Variants in ADAM18 observed in about 807,000 individuals in gnomAD.
The protein encoded by ADAM18 is ADAM metallopeptidase domain 18, also known as disintegrin and metalloproteinase domain-containing protein 18.
In ADAM18, 117 loss-of-function variants were observed where a neutral mutation model predicts 94.4. The ratio of observed to expected loss-of-function variants is 1.24; its 90% CI spans 1.07 to 1.45. ADAM18 has a LOEUF of 1.45. Ranked by LOEUF, ADAM18 falls within the 40% of genes most tolerant of loss-of-function variation. ADAM18 has a pLI of 0.00. For synonymous variants in ADAM18, 327 were observed against 291.6 expected, an observed-to-expected ratio of 1.12 and a Z score of -1.24; for missense variants, 936 against 880.0, an observed-to-expected ratio of 1.06 and a Z score of -0.81.
rs376183860 is a variant in ADAM18 at position 39,638,530 on chromosome 8, A to T, written c.893A>T (p.Asp298Val). 9.5e-6 allele frequency: 15 copies of T among 1,573,310 alleles called. No individual in the cohort carries two copies. Among genetic ancestry groups the T allele is most frequent in the Admixed American group, 1.8e-5 (1 of 56,866 alleles). ...GGCACTGTATGCAATAAAAGCTATG[A>T]TGCAGGTATTGCTATGGTATGTAAT... ...FPGTVCNKSY[D>V]AGIAMYPDAI... is the part of the protein sequence containing the mutation. The change falls in exon 10 of 20, where the codon GAT (aspartate) becomes GTT (valine). Residue 298 changes from aspartate to valine, a missense_variant. By Grantham distance (152) the Asp-to-Val change is radical. Transcript: ENST00000265707.
chr8:39,610,466 C>A, intron 5 of ADAM18, 63 bp from the exon 6 acceptor site: 1 of 1,464,600 alleles, frequency 6.8e-7, no homozygotes, highest in South Asian at 1.5e-5. Context: ...TTCAGATTAT[C>A]ATTTTGAAGG....
chr8:39,631,708 A>G (rs1010684227), intron 7 of ADAM18, among the ~76,000 whole-genome samples: 1 of 152,030 alleles, frequency 6.6e-6, no homozygotes, highest in Non-Finnish European at 1.5e-5. Context: ...TTCCAAAAAT[A>G]CTGTAATTTT....
At chr8:39,635,427 A>G (rs758818195) in intron 7 of ADAM18, among the ~76,000 whole-genome samples, 14 of 152,128 alleles carry the variant, frequency 9.2e-5, no homozygotes, top group Non-Finnish European at 1.8e-4. Context: ...GCTGCATTTT[A>G]TTATTTTAAA....
chr8:39,620,784 G>A (rs993056371), intron 6 of ADAM18, among the ~76,000 whole-genome samples: 1 of 151,814 alleles, frequency 6.6e-6, no homozygotes, highest in Admixed American at 6.6e-5. Flanking sequence ...AACACTGGAT[G>A]TAGTTACTTA....
chr8:39,618,108 A>G (rs1819498899), intron 6 of ADAM18, among the ~76,000 whole-genome samples: 1 of 152,216 alleles, frequency 6.6e-6, no homozygotes, highest in Non-Finnish European at 1.5e-5. Context: ...AAAAGTATAT[A>G]TTTAATACAA....
chr8:39,654,201 G>A (rs1820622356), intron 12 of ADAM18, among the ~76,000 whole-genome samples: 1 of 132,746 alleles, frequency 7.5e-6, no homozygotes, highest in African/African-American at 3.2e-5. Context: ...TGAGTCACCA[G>A]GGCTGGAGTG....
At chr8:39,606,748 C>T (rs749358238) in intron 3 of ADAM18, among the ~76,000 whole-genome samples, 22 of 152,064 alleles carry the variant, frequency 1.4e-4, no homozygotes, top group Non-Finnish European at 2.8e-4. Flanking sequence ...GCTTTTTAAT[C>T]ACCTGGGGGC....
intron 18 of ADAM18, among the ~76,000 whole-genome samples, chr8:39,721,452 T>A (rs905821801): frequency 2.6e-5 from 4 of 151,348 alleles, no homozygotes; most frequent in African/African-American, 9.7e-5. Flanking sequence ...AAAGAAAAAC[T>A]AATAATCAAC....
intron 14 of ADAM18, among the ~76,000 whole-genome samples, chr8:39,670,400 T>C (rs1029446177): frequency 6.6e-6 from 1 of 152,182 alleles, no homozygotes; most frequent in African/African-American, 2.4e-5. Flanking sequence ...TTTACTTAGC[T>C]TTTTACTTGC....
chr8:39,705,920 T>TA (rs1355378674), intron 17 of ADAM18, among the ~76,000 whole-genome samples: 1 of 152,074 alleles, frequency 6.6e-6, no homozygotes, highest in African/African-American at 2.4e-5. Flanking sequence ...TATTATTTGG[T>TA]AAAAATCTAT....
At chr8:39,677,573 A>C (rs200442814) in intron 15 of ADAM18, 37 bp downstream of exon 15, 2 of 1,466,904 alleles carry the variant, frequency 1.4e-6, no homozygotes, top group East Asian at 2.3e-5. Flanking sequence ...TTTGAATCAT[A>C]AAAATTATGT....
chr8:39,659,464 C>T (rs1367543646), intron 12 of ADAM18, among the ~76,000 whole-genome samples: 1 of 151,276 alleles, frequency 6.6e-6, no homozygotes, highest in African/African-American at 2.4e-5. Flanking sequence ...AGTATATAAG[C>T]AATAGCAATT....
chr8:39,658,537 T>C (rs757237681), intron 12 of ADAM18, among the ~76,000 whole-genome samples: 1 of 152,182 alleles, frequency 6.6e-6, no homozygotes, highest in Non-Finnish European at 1.5e-5. Flanking sequence ...AAATAGATTC[T>C]ACCAGAAAGC....
At chr8:39,645,538 T>C in intron 11 of ADAM18, 64 bp downstream of exon 11, 1 of 1,497,034 alleles carries the variant, frequency 6.7e-7, no homozygotes, top group Non-Finnish European at 9.0e-7. Context: ...AATGTGATAA[T>C]GTTTTTAAAC....
intron 6 of ADAM18, among the ~76,000 whole-genome samples, chr8:39,626,244 G>C (rs1168201457): frequency 2.6e-5 from 4 of 152,034 alleles, no homozygotes; most frequent in Non-Finnish European, 5.9e-5. Context: ...ATATTTCTGT[G>C]ATGTCAGGTG....
At chr8:39,623,192 A>T (rs1819663150) in intron 6 of ADAM18, among the ~76,000 whole-genome samples, 1 of 152,158 alleles carries the variant, frequency 6.6e-6, no homozygotes, top group African/African-American at 2.4e-5. Flanking sequence ...ACATTATTTC[A>T]TTCTTTTTTA....
At chr8:39,605,874 CA>C (rs1200857903) in intron 2 of ADAM18, 1 of 167,550 alleles carries the variant, frequency 6.0e-6, no homozygotes, top group Non-Finnish European at 1.3e-5. Context: ...CCCTTTCCCC[CA>C]AGTCCCCAAA....
chr8:39,714,104 G>A (rs1047515818), intron 18 of ADAM18, among the ~76,000 whole-genome samples: 1 of 152,162 alleles, frequency 6.6e-6, no homozygotes, highest in Non-Finnish European at 1.5e-5. Flanking sequence ...GGAATACTAT[G>A]CACCCATAAA....
intron 18 of ADAM18, among the ~76,000 whole-genome samples, chr8:39,707,862 G>T (rs943099988): frequency 6.6e-6 from 1 of 152,028 alleles, no homozygotes; most frequent in African/African-American, 2.4e-5. Context: ...CTTAAGGAAA[G>T]AATTTTTGGC....
Sources: allele counts gnomAD v4.1 joint callset (sites outside exome capture counted in the v4.1 genomes callset), GRCh38; gene constraint gnomAD v4.1.1; transcripts MANE v1.5; gene names NCBI Gene and HGNC (gene_info 2026-07-23, HGNC 2026-07-21).